ARID1B: variants seen among roughly 807,000 people sequenced by gnomAD.
ARID1B encodes the protein AT-rich interactive domain-containing protein 1B.
A neutral mutation model predicts 212.3 loss-of-function variants in ARID1B; 30 were observed. The observed-to-expected ratio is 0.14, with a 90% CI of 0.11 to 0.19. The LOEUF is 0.19. ARID1B is among the 10% of genes least tolerant of loss of function. The pLI, the probability that ARID1B is intolerant of heterozygous loss-of-function variation, is 1.00. For missense variants in ARID1B, 2,891 were observed against 3,204.0 expected (o/e 0.90, Z 2.36); for synonymous variants, 1,402 against 1,301.7 (o/e 1.08, Z -1.66).
chr6:156,908,527 G>A (rs958965355), intron 3 of ARID1B, among the ~76,000 whole-genome samples: 2 of 151,910 alleles, frequency 1.3e-5, no homozygotes, highest in Non-Finnish European at 2.9e-5. Context: ...CCTTGATTAC[G>A]TCTTGCTTTC....
chr6:157,058,995 A>C (rs1239348580), intron 4 of ARID1B, among the ~76,000 whole-genome samples: 1 of 152,102 alleles, frequency 6.6e-6, no homozygotes, highest in Non-Finnish European at 1.5e-5. Flanking sequence ...GGAGGCCCCA[A>C]AACACCTTGC....
chr6:157,023,919 A>G (rs1405450557), intron 4 of ARID1B: 2 of 152,238 alleles, frequency 1.3e-5, no homozygotes, highest in Admixed American at 6.5e-5. Flanking sequence ...CAGATTTTGC[A>G]TGTAGATTGT....
intron 4 of ARID1B, among the ~76,000 whole-genome samples, chr6:156,953,168 T>C (rs1793709689): frequency 6.6e-6 from 1 of 152,242 alleles, no homozygotes; most frequent in Non-Finnish European, 1.5e-5. Flanking sequence ...CACAGGGCTT[T>C]AAAAATATCT....
intron 12 of ARID1B, among the ~76,000 whole-genome samples, chr6:157,182,346 A>G (rs1291965909): frequency 2.0e-5 from 3 of 152,242 alleles, no homozygotes; most frequent in South Asian, 2.1e-4. Flanking sequence ...GACTCCAGAC[A>G]CATACTCTTC....
At chr6:156,840,521 C>A (rs1187678715) in intron 2 of ARID1B, among the ~76,000 whole-genome samples, 1 of 152,198 alleles carries the variant, frequency 6.6e-6, no homozygotes, top group Non-Finnish European at 1.5e-5. Flanking sequence ...TAGACTCTGG[C>A]CAGTGAAATC....
In ARID1B at chr6:156,790,914, G is replaced by A. The variant is rs150373997; in HGVS notation, c.1791+11443G>A. Among the ~76,000 whole-genome samples, 3 of 152,306 alleles carry A rather than the reference G, an allele frequency of 2.0e-5. No individual in the cohort carries two copies. In the East Asian group the frequency reaches 5.8e-4, roughly 29 times the overall value. ...AATTACTGAAGAGGGAAATTGAAAG[G>A]TAAGCAGTTTTGTGTTTTATCTTTT... On this transcript the variant is annotated intron_variant, in intron 1 of 19. Transcript: ENST00000636930.
At chr6:156,855,025 G>C (rs143403140) in intron 2 of ARID1B, among the ~76,000 whole-genome samples, 11 of 152,294 alleles carry the variant, frequency 7.2e-5, no homozygotes, top group Middle Eastern at 3.4e-3. Context: ...CGGGGCAGTT[G>C]GGGTTGGGAT....
At chr6:156,905,365 C>G (rs890140069) in intron 3 of ARID1B, among the ~76,000 whole-genome samples, 1 of 151,910 alleles carries the variant, frequency 6.6e-6, no homozygotes, top group Non-Finnish European at 1.5e-5. Context: ...GGTGGTAAGC[C>G]GATGGTCTGA....
chr6:157,145,815 C>T (rs180972670), intron 7 of ARID1B, among the ~76,000 whole-genome samples: 5 of 152,272 alleles, frequency 3.3e-5, no homozygotes, highest in African/African-American at 9.6e-5. Flanking sequence ...TTCACAGCCC[C>T]GTGCCTTAGG....
intron 16 of ARID1B, 115 bp downstream of exon 16, chr6:157,196,430 TTC>T: frequency 7.5e-7 from 1 of 1,338,946 alleles, no homozygotes; most frequent in Non-Finnish European, 1.0e-6. Flanking sequence ...AGTGTCCCCT[TTC>T]CTGTGAAAGT....
At chr6:157,003,878 C>A (rs1779045724) in intron 4 of ARID1B, among the ~76,000 whole-genome samples, 1 of 150,856 alleles carries the variant, frequency 6.6e-6, no homozygotes, top group South Asian at 2.1e-4. Flanking sequence ...TTTTTTTTTT[C>A]ACTTTGGCCG....
At chr6:156,950,285 T>G (rs1271738306) in intron 4 of ARID1B, among the ~76,000 whole-genome samples, 2 of 152,228 alleles carry the variant, frequency 1.3e-5, no homozygotes, top group Non-Finnish European at 2.9e-5. Flanking sequence ...CAAAGAGTTT[T>G]CAGAGTTTTG....
At chr6:156,893,048 T>TCTTG (rs1364424419) in intron 2 of ARID1B, among the ~76,000 whole-genome samples, 1 of 137,170 alleles carries the variant, frequency 7.3e-6, no homozygotes, top group Non-Finnish European at 1.6e-5. Flanking sequence ...TTTCTTCCTT[T>TCTTG]TTTTTTTTTT....
At chr6:156,843,197 CCATTATTGTATTGT>C (rs1241123222) in intron 2 of ARID1B, among the ~76,000 whole-genome samples, 1 of 152,066 alleles carries the variant, frequency 6.6e-6, no homozygotes, top group Non-Finnish European at 1.5e-5. Context: ...TAGAATGTAA[CCATTATTGTATTGT>C]CTTCATGGTA....
chr6:156,953,906 C>T (rs1793770402), intron 4 of ARID1B, among the ~76,000 whole-genome samples: 1 of 152,140 alleles, frequency 6.6e-6, no homozygotes, highest in African/African-American at 2.4e-5. Flanking sequence ...TTAAAAATTA[C>T]ATTTTTACAT....
chr6:157,002,560 A>G (rs1778970578), intron 4 of ARID1B, among the ~76,000 whole-genome samples: 1 of 152,178 alleles, frequency 6.6e-6, no homozygotes, highest in African/African-American at 2.4e-5. Context: ...TCCTCATTCT[A>G]TTTTATGATC....
intron 4 of ARID1B, among the ~76,000 whole-genome samples, chr6:156,951,265 G>A (rs1349840816): frequency 6.6e-6 from 1 of 152,082 alleles, no homozygotes; most frequent in Non-Finnish European, 1.5e-5. Context: ...AACAAAGACT[G>A]CTCCAAGCGG....
rs766500898 is a variant in ARID1B at position 156,779,125 on chromosome 6, C to T, written c.1445C>T (p.Ala482Val). Residue 482 changes from alanine (A) to valine (V), a missense_variant, in exon 1 of 20, where the codon GCG (alanine) becomes GTG (valine). By Grantham distance (64) the Ala-to-Val change is moderately conservative. Coordinates refer to ENST00000636930, the MANE Select transcript of ARID1B (RefSeq NM_001374828.1). ...AGCAAGGCGGCCGCCGGCTCGGCGG[C>T]GGGGGGCTTCCAGCGCTTCGCCGGC... ...SLSKAAAGSA[A>V]GGFQRFAGQN... The T allele has an allele frequency of 1.6e-6, 2 of 1,240,922 alleles. No individual in the cohort carries two copies. Among genetic ancestry groups the T allele is most frequent in the Admixed American group, 4.3e-5 (1 of 23,156 alleles). The allele number at this position is 1,240,922 out of a possible 1,614,324, so 76.9% of individuals were successfully genotyped here.
intron 4 of ARID1B, among the ~76,000 whole-genome samples, chr6:156,949,605 ATCCCCAGGACTCCTAGCCTG>A (rs1451529361): frequency 2.0e-5 from 3 of 152,156 alleles, no homozygotes; most frequent in Non-Finnish European, 2.9e-5. Flanking sequence ...TCTAAATCAG[ATCCCCAGGACTCCTAGCCTG>A]TGACTTCATT....
Sources: allele counts gnomAD v4.1 joint callset (sites outside exome capture counted in the v4.1 genomes callset), GRCh38; gene constraint gnomAD v4.1.1; transcripts MANE v1.5; gene names NCBI Gene and HGNC (gene_info 2026-07-23, HGNC 2026-07-21).